Variants in FHIT observed in about 807,000 individuals in gnomAD.
FHIT encodes the protein fragile histidine triad diadenosine triphosphatase.
Under a neutral mutation model 17.9 loss-of-function variants are expected in FHIT, and 19 were observed. The ratio of observed to expected loss-of-function variants is 1.06; its 90% CI spans 0.74 to 1.56. The LOEUF (loss-of-function observed/expected upper bound fraction) is 1.56. FHIT is among the 40% of genes most tolerant of loss of function. The probability of loss-of-function intolerance (pLI) is 0.00; values close to 1 mark genes in which losing one functional copy is unlikely to be tolerated. For synonymous variants in FHIT, 81 were observed against 69.7 expected (o/e 1.16, Z -0.81); for missense variants, 248 against 189.2 (o/e 1.31, Z -1.82).
chr3:60,797,294 A>G lies in FHIT; in HGVS notation c.-18+24625T>C, dbSNP rs578101023. ...GAAATGGTGACTGAATCTGAATGTC[A>G]GGAAGGGTTGTGGGTTGTGGATATG... On this transcript the variant is annotated intron_variant, in intron 4 of 9. Coordinates refer to ENST00000492590, the MANE Select transcript of FHIT (RefSeq NM_002012.4). Among the ~76,000 whole-genome samples, 13 of 152,282 alleles carry G rather than the reference A, an allele frequency of 8.5e-5. No homozygotes were observed. In the South Asian group the frequency reaches 2.7e-3, roughly 32 times the overall value.
chr3:60,446,614 C>T (rs1193912184), intron 5 of FHIT, among the ~76,000 whole-genome samples: 5 of 152,030 alleles, frequency 3.3e-5, no homozygotes, highest in Non-Finnish European at 7.4e-5. Context: ...CAACACTTTG[C>T]ACCAAGGTAG....
At chr3:60,184,048 C>T (rs188956946) in intron 5 of FHIT, among the ~76,000 whole-genome samples, 61 of 151,140 alleles carry the variant, frequency 4.0e-4, no homozygotes, top group African/African-American at 1.3e-3. Context: ...AGTACAGTGA[C>T]GTGATCAGAG....
intron 3 of FHIT, among the ~76,000 whole-genome samples, chr3:61,016,585 A>G (rs985134235): frequency 6.6e-6 from 1 of 152,218 alleles, no homozygotes; most frequent in African/African-American, 2.4e-5. Context: ...ATCCGGGTAC[A>G]CCAACACCAG....
chr3:60,813,270 C>T (rs1383013536), intron 4 of FHIT, among the ~76,000 whole-genome samples: 1 of 151,598 alleles, frequency 6.6e-6, no homozygotes, highest in Non-Finnish European at 1.5e-5. Flanking sequence ...TGTTGTACTT[C>T]CCAACTTCCA....
At chr3:60,173,126 G>A (rs1701492853) in intron 5 of FHIT, among the ~76,000 whole-genome samples, 1 of 152,252 alleles carries the variant, frequency 6.6e-6, no homozygotes, top group Admixed American at 6.5e-5. Context: ...ACTACTTTCT[G>A]TCCATTTCCA....
At chr3:60,724,978 AG>A (rs1553709029) in intron 4 of FHIT, among the ~76,000 whole-genome samples, 1 of 152,052 alleles carries the variant, frequency 6.6e-6, no homozygotes, top group Non-Finnish European at 1.5e-5. Flanking sequence ...TAACCGTCTT[AG>A]TGGGTGTGAT....
intron 2 of FHIT, among the ~76,000 whole-genome samples, chr3:61,096,963 C>G (rs1286575491): frequency 1.3e-5 from 2 of 151,708 alleles, no homozygotes; most frequent in Non-Finnish European, 2.9e-5. Flanking sequence ...AAATTACAGC[C>G]AGCTACGCCG....
At chr3:60,111,648 T>C (rs567372098) in intron 5 of FHIT, among the ~76,000 whole-genome samples, 1 of 152,232 alleles carries the variant, frequency 6.6e-6, no homozygotes, top group African/African-American at 2.4e-5. Context: ...AAATTCAGTG[T>C]TTTTGTCCAA....
At position 61,048,724 on chromosome 3, in the gene FHIT, A is replaced by G. The variant is rs149301916; in HGVS notation, c.-163-6625T>C. On this transcript the variant is annotated intron_variant, in intron 2 of 9. Coordinates refer to ENST00000492590, the MANE Select transcript of FHIT (RefSeq NM_002012.4). ...TTCACAATAGCAAAGACCTGGAAGC[A>G]ACCCAAATGTCCAACAATAGACTGG... Among the ~76,000 whole-genome samples, 935 of 152,212 alleles carry G rather than the reference A, an allele frequency of 6.1e-3. 14 individuals carry two copies. The highest frequency in any genetic ancestry group is 0.021 in the African/African-American group (889 of 41,446).
chr3:60,953,763 AG>A (rs1455565012), intron 3 of FHIT, among the ~76,000 whole-genome samples: 1 of 152,198 alleles, frequency 6.6e-6, no homozygotes, highest in East Asian at 1.9e-4. Flanking sequence ...GTGTCCAAGT[AG>A]CCCCATCCAG....
intron 4 of FHIT, among the ~76,000 whole-genome samples, chr3:60,626,981 T>C (rs150120360): frequency 3.3e-5 from 5 of 152,246 alleles, no homozygotes; most frequent in Admixed American, 2.6e-4. Context: ...ATTCTATTGA[T>C]ATGCTATATT....
At chr3:60,948,235 T>G (rs1344542060) in intron 3 of FHIT, among the ~76,000 whole-genome samples, 1 of 152,182 alleles carries the variant, frequency 6.6e-6, no homozygotes, top group Admixed American at 6.5e-5. Flanking sequence ...TTCTGAACTC[T>G]AAGCACTGGC....
chr3:60,870,582 C>G (rs1411261080), intron 3 of FHIT, among the ~76,000 whole-genome samples: 1 of 152,142 alleles, frequency 6.6e-6, no homozygotes, highest in African/African-American at 2.4e-5. Context: ...TATCTGTAGT[C>G]TGACAGTCAT....
chr3:60,323,882 G>C (rs1326428487), intron 5 of FHIT, among the ~76,000 whole-genome samples: 2 of 152,126 alleles, frequency 1.3e-5, no homozygotes, highest in African/African-American at 4.8e-5. Context: ...AGGAAGATTA[G>C]CAAATACTAG....
intron 5 of FHIT, among the ~76,000 whole-genome samples, chr3:60,096,609 G>A (rs1201847970): frequency 2.0e-5 from 3 of 152,142 alleles, no homozygotes; most frequent in South Asian, 2.1e-4. Context: ...ACTGTCCTCA[G>A]AGTCATCTGT....
intron 5 of FHIT, among the ~76,000 whole-genome samples, chr3:60,336,080 G>A (rs1710224887): frequency 6.6e-6 from 1 of 152,156 alleles, no homozygotes; most frequent in Non-Finnish European, 1.5e-5. Context: ...ATACTACCAA[G>A]TATTAGCATT....
chr3:61,209,297 G>A (rs2039370733), intron 1 of FHIT, among the ~76,000 whole-genome samples: 1 of 152,232 alleles, frequency 6.6e-6, no homozygotes, highest in Non-Finnish European at 1.5e-5. Context: ...GAAGTGTCTT[G>A]GAGTTGCTCT....
intron 5 of FHIT, among the ~76,000 whole-genome samples, chr3:60,499,479 C>T (rs1223648517): frequency 6.6e-6 from 1 of 152,012 alleles, no homozygotes; most frequent in African/African-American, 2.4e-5. Flanking sequence ...TTAAGCTCCT[C>T]CTCCCGGGTT....
At chr3:60,093,727 T>C (rs1350925188) in intron 5 of FHIT, among the ~76,000 whole-genome samples, 1 of 152,198 alleles carries the variant, frequency 6.6e-6, no homozygotes, top group East Asian at 1.9e-4. Context: ...GCGAAGGATT[T>C]AGAATGCGGG....
Sources: gnomAD v4.1 joint callset for allele counts (sites outside exome capture counted in the v4.1 genomes callset) on GRCh38, gnomAD v4.1.1 for gene constraint, MANE v1.5 for transcripts, NCBI Gene and HGNC (gene_info 2026-07-23, HGNC 2026-07-21) for gene names.